The following CCDC38 variants were observed in gnomAD, a reference collection of about 807,000 sequenced individuals.
CCDC38 encodes coiled-coil domain-containing protein 38.
In CCDC38, 69 loss-of-function variants were observed where a neutral mutation model predicts 72.8. That is an observed-to-expected ratio of 0.95 (90% CI 0.78 to 1.16). The LOEUF (loss-of-function observed/expected upper bound fraction) is 1.16. CCDC38 is among the 50% of genes most tolerant of loss of function. The pLI is 0.00. For missense variants in CCDC38, 626 were observed against 638.9 expected, an observed-to-expected ratio of 0.98 and a Z score of 0.22; for synonymous variants, 201 against 213.2, an observed-to-expected ratio of 0.94 and a Z score of 0.50.
At chr12:95,877,277 T>TATC (rs1325247219) in intron 13 of CCDC38, among the ~76,000 whole-genome samples, 1 of 147,954 alleles carries the variant, frequency 6.8e-6, no homozygotes, top group African/African-American at 2.4e-5. Flanking sequence ...ACTCATGTCT[T>TATC]TAGATGAGTG....
At chr12:95,889,329 GT>G (rs2121452430) in intron 9 of CCDC38, 1 of 152,318 alleles carries the variant, frequency 6.6e-6, no homozygotes, top group South Asian at 2.1e-4. Context: ...TTTTAAGCTG[GT>G]ACCCTAACAT....
intron 11 of CCDC38, among the ~76,000 whole-genome samples, chr12:95,880,919 A>G (rs2079692965): frequency 6.6e-6 from 1 of 152,226 alleles, no homozygotes; most frequent in South Asian, 2.1e-4. Context: ...TCTATTGCTT[A>G]CAGTTGACAC....
At position 95,906,409 on chromosome 12, in the gene CCDC38, T is replaced by A; in HGVS notation, c.347A>T (p.Gln116Leu). 6.2e-7 allele frequency: 1 copy of A among 1,613,212 alleles called. No individual in the cohort carries two copies. The highest frequency in any genetic ancestry group is 8.5e-7 in the Non-Finnish European group (1 of 1,179,382). ...TACCTCGAGCAGAAACCTGTCTCTC[T>A]GGTCATTAATAAATTCATGGACAGT... ...KRTVHEFINDQRDRFLLEYAL... is the reference protein window; with the variant it reads ...KRTVHEFINDLRDRFLLEYAL... The change falls in exon 5 of 16, where the codon CAG becomes CTG. Residue 116 changes from glutamine to leucine, a missense_variant. Gln to Leu is a moderately radical substitution (Grantham distance 113). Coordinates refer to ENST00000344280, the MANE Select transcript of CCDC38 (RefSeq NM_182496.3).
chr12:95,884,854 G>T (rs11108318), intron 10 of CCDC38, among the ~76,000 whole-genome samples: 1,801 of 152,184 alleles, frequency 0.012, 34 homozygotes, highest in African/African-American at 0.041. Context: ...AGTCTGCAAA[G>T]GTGTAATAAA....
chr12:95,897,076 T>C (rs1483138331), intron 7 of CCDC38, among the ~76,000 whole-genome samples: 1 of 152,126 alleles, frequency 6.6e-6, no homozygotes, highest in African/African-American at 2.4e-5. Context: ...AGCCAGAATA[T>C]GAAATGCACA....
intron 15 of CCDC38, among the ~76,000 whole-genome samples, chr12:95,869,228 T>C (rs1226240651): frequency 6.6e-6 from 1 of 152,150 alleles, no homozygotes; most frequent in Non-Finnish European, 1.5e-5. Context: ...TTATCTGATT[T>C]TAATGAACCT....
chr12:95,870,836 T>C (rs1592750580), intron 14 of CCDC38, among the ~76,000 whole-genome samples: 1 of 152,174 alleles, frequency 6.6e-6, no homozygotes, highest in Non-Finnish European at 1.5e-5. Flanking sequence ...TAACAAAATA[T>C]CTAACACTAC....
intron 10 of CCDC38, chr12:95,885,099 T>C (rs922364946): frequency 6.6e-6 from 1 of 152,276 alleles, no homozygotes; most frequent in Admixed American, 6.5e-5. Flanking sequence ...ATAAGAAGTC[T>C]CCCTGACCTC....
At chr12:95,907,620 C>A in intron 4 of CCDC38, among the ~76,000 whole-genome samples, 1 of 136,816 alleles carries the variant, frequency 7.3e-6, no homozygotes, top group Non-Finnish European at 1.6e-5. Context: ...GGCTGCCGGG[C>A]GGAGACGCTC....
chr12:95,911,283 G>T (rs2080091753), intron 4 of CCDC38, among the ~76,000 whole-genome samples: 1 of 152,016 alleles, frequency 6.6e-6, no homozygotes, highest in African/African-American at 2.4e-5. Context: ...TCTATAAAAA[G>T]AAATCCCAAA....
chr12:95,881,639 T>C, intron 10 of CCDC38, 85 bp from the exon 11 acceptor site: 1 of 1,045,236 alleles, frequency 9.6e-7, no homozygotes, highest in East Asian at 2.6e-5. Context: ...AAATTGTCGT[T>C]GGAACCCAAC....
chr12:95,897,059 C>T (rs2079897147), intron 7 of CCDC38, among the ~76,000 whole-genome samples: 3 of 152,286 alleles, frequency 2.0e-5, no homozygotes, highest in South Asian at 4.1e-4. Context: ...ATAGAAGAGC[C>T]TGCTGTAGCC....
At chr12:95,937,321 A>AT (rs1341605129) in intron 1 of CCDC38, among the ~76,000 whole-genome samples, 5 of 152,132 alleles carry the variant, frequency 3.3e-5, no homozygotes, top group Admixed American at 3.3e-4. Flanking sequence ...TTTATCATGA[A>AT]TTTTTTACAT....
intron 10 of CCDC38, among the ~76,000 whole-genome samples, chr12:95,884,409 G>A (rs184712896): frequency 6.6e-6 from 1 of 152,306 alleles, no homozygotes; most frequent in African/African-American, 2.4e-5. Flanking sequence ...AACTACAGAA[G>A]GCTGAAGAAA....
intron 7 of CCDC38, among the ~76,000 whole-genome samples, chr12:95,898,126 C>G (rs1424391456): frequency 6.6e-6 from 1 of 152,074 alleles, no homozygotes; most frequent in Non-Finnish European, 1.5e-5. Flanking sequence ...TTGTTTATTC[C>G]TAATTGTTTT....
At chr12:95,904,606 A>G (rs576548795) in intron 5 of CCDC38, among the ~76,000 whole-genome samples, 1 of 152,356 alleles carries the variant, frequency 6.6e-6, no homozygotes, top group African/African-American at 2.4e-5. Context: ...TCTACATGTG[A>G]CAACGCACAG....
chr12:95,893,916 AAACAT>A (rs1309299559), intron 8 of CCDC38, among the ~76,000 whole-genome samples: 4 of 152,082 alleles, frequency 2.6e-5, no homozygotes, highest in African/African-American at 9.7e-5. Flanking sequence ...TATATAAATA[AAACAT>A]AACATGTTAG....
chr12:95,902,343 A>G (rs1286020634), intron 5 of CCDC38, among the ~76,000 whole-genome samples: 4 of 152,126 alleles, frequency 2.6e-5, no homozygotes, highest in African/African-American at 9.7e-5. Flanking sequence ...CAAAAAGTCT[A>G]CTCAAGCCCT....
At chr12:95,922,915 T>C (rs752877718) in intron 2 of CCDC38, among the ~76,000 whole-genome samples, 130 of 152,286 alleles carry the variant, frequency 8.5e-4, no homozygotes, top group African/African-American at 2.4e-3. Context: ...CCAGATTAAA[T>C]GTTATTTCTG....
Sources: gnomAD v4.1 joint callset for allele counts (sites outside exome capture counted in the v4.1 genomes callset) on GRCh38, gnomAD v4.1.1 for gene constraint, MANE v1.5 for transcripts, NCBI Gene and HGNC (gene_info 2026-07-23, HGNC 2026-07-21) for gene names.